The following RAVER2 variants were observed in gnomAD, a reference collection of about 807,000 sequenced individuals.
RAVER2 encodes the protein ribonucleoprotein, PTB binding 2, also known as ribonucleoprotein PTB-binding 2.
Under a neutral mutation model 78.1 loss-of-function variants are expected in RAVER2, and 46 were observed. The observed-to-expected ratio is 0.59, with a 90% CI of 0.46 to 0.75. The LOEUF (loss-of-function observed/expected upper bound fraction) is 0.75, where lower values mean the gene tolerates loss of function less well. Among genes scored for constraint, RAVER2 ranks in the 30% least tolerant of loss-of-function variants. RAVER2 has a pLI of 0.00. For synonymous variants in RAVER2, 311 were observed against 313.3 expected (o/e 0.99, Z 0.08); for missense variants, 793 against 837.5 (o/e 0.95, Z 0.66).
chr1:64,784,610 T>C (rs1652729328), intron 4 of RAVER2, among the ~76,000 whole-genome samples: 1 of 152,204 alleles, frequency 6.6e-6, no homozygotes, highest in Non-Finnish European at 1.5e-5. Flanking sequence ...TACTAAATTA[T>C]GTTTCCAAGG....
intron 11 of RAVER2, among the ~76,000 whole-genome samples, chr1:64,819,791 T>G (rs1385340648): frequency 6.6e-6 from 1 of 152,176 alleles, no homozygotes; most frequent in Non-Finnish European, 1.5e-5. Flanking sequence ...ATCTTGGTAC[T>G]ATTAACGTTT....
chr1:64,773,795 C>T (rs1396323175), intron 2 of RAVER2, among the ~76,000 whole-genome samples: 1 of 152,190 alleles, frequency 6.6e-6, no homozygotes, highest in African/African-American at 2.4e-5. Context: ...ACACTCCCAC[C>T]AACAGTGTAA....
At chr1:64,785,978 CT>C (rs1652769929) in intron 4 of RAVER2, among the ~76,000 whole-genome samples, 2 of 152,108 alleles carry the variant, frequency 1.3e-5, no homozygotes, top group Admixed American at 6.5e-5. Context: ...GTGGTAAAAA[CT>C]TTTGAGAACT....
At chr1:64,772,934 A>C (rs1652359469) in intron 2 of RAVER2, among the ~76,000 whole-genome samples, 1 of 152,204 alleles carries the variant, frequency 6.6e-6, no homozygotes, top group Non-Finnish European at 1.5e-5. Context: ...CATTTAAGGC[A>C]GTAAACAGGC....
chr1:64,788,653 G>A (rs12063385), intron 4 of RAVER2, among the ~76,000 whole-genome samples: 3,437 of 151,394 alleles, frequency 0.023, 120 homozygotes, highest in African/African-American at 0.077. Context: ...TTAGCCAGGC[G>A]TTGTGGCGGG....
intron 1 of RAVER2, among the ~76,000 whole-genome samples, chr1:64,754,583 C>T (rs537042122): frequency 6.6e-6 from 1 of 152,184 alleles, no homozygotes; most frequent in Non-Finnish European, 1.5e-5. Flanking sequence ...ATTATTCAAT[C>T]AGTCAACTGT....
intron 11 of RAVER2, among the ~76,000 whole-genome samples, chr1:64,826,607 G>A (rs754161174): frequency 6.6e-6 from 1 of 152,170 alleles, no homozygotes; most frequent in Non-Finnish European, 1.5e-5. Context: ...GGACCTTTTA[G>A]GCCCTTGTAA....
intron 1 of RAVER2, 70 bp from the exon 2 acceptor site, chr1:64,768,586 G>A (rs1652235207): frequency 2.2e-6 from 2 of 930,204 alleles, no homozygotes; most frequent in Non-Finnish European, 3.5e-6. Flanking sequence ...GTGGTGGTAG[G>A]CTAATAGAGC....
At chr1:64,759,062 T>TA (rs1428934750) in intron 1 of RAVER2, among the ~76,000 whole-genome samples, 2 of 151,820 alleles carry the variant, frequency 1.3e-5, no homozygotes, top group African/African-American at 4.8e-5. Flanking sequence ...AGGAGAACCT[T>TA]TTATAGTTAG....
rs1651492495 is a variant in RAVER2 at position 64,745,283 on chromosome 1, G to T, written c.111G>T (p.Ala37=). 1 of 1,438,874 alleles carries T rather than the reference G, an allele frequency of 6.9e-7. No individual in the cohort carries two copies. The highest frequency in any genetic ancestry group is 3.2e-5 in the East Asian group (1 of 31,524). The allele number at this position is 1,438,874 out of a possible 1,614,324, so 89.1% of individuals were successfully genotyped here. ...GCGGGCAGGGCCCCTCAGCCGAAGC[G>T]CACGAGGGCGCCCCGGACCCGATGC... The change falls in exon 1 of 12, where the codon GCG becomes GCT. Residue 37 remains alanine (A), a synonymous_variant. Coordinates refer to ENST00000294428, the Ensembl canonical transcript of RAVER2. This position sits in a 1 kb window ranked among gnomAD's most constrained non-coding sequence, Gnocchi z 4.3.
chr1:64,812,641 AC>A, intron 9 of RAVER2, 96 bp from the exon 10 acceptor site: 7 of 697,210 alleles, frequency 1.0e-5, no homozygotes, highest in Non-Finnish European at 1.2e-5. Context: ...TTTCATAAGT[AC>A]ACTAGATGTA....
chr1:64,787,574 G>A (rs74080712), intron 4 of RAVER2, among the ~76,000 whole-genome samples: 3,453 of 152,302 alleles, frequency 0.023, 122 homozygotes, highest in African/African-American at 0.077. Context: ...CAGAGTGGGT[G>A]TGGGAGGACC....
intron 1 of RAVER2, among the ~76,000 whole-genome samples, chr1:64,746,778 G>A (rs949945833): frequency 6.6e-6 from 1 of 152,140 alleles, no homozygotes; most frequent in African/African-American, 2.4e-5. Context: ...CACCTGCAAT[G>A]GACTGATTTC....
At chr1:64,786,048 A>G (rs974714057) in intron 4 of RAVER2, among the ~76,000 whole-genome samples, 2 of 152,236 alleles carry the variant, frequency 1.3e-5, no homozygotes, top group African/African-American at 4.8e-5. Flanking sequence ...ATGAATCTAA[A>G]AATCTAGGCT....
exon 12 of RAVER2, chr1:64,833,124 A>G (rs1212772372): frequency 2.7e-5 from 5 of 182,450 alleles, no homozygotes; most frequent in Non-Finnish European, 5.8e-5. Context: ...AAGGACCGTA[A>G]CCCACCCCTT....
chr1:64,814,080 T>C (rs1332513346), intron 10 of RAVER2, among the ~76,000 whole-genome samples: 1 of 151,630 alleles, frequency 6.6e-6, no homozygotes, highest in Non-Finnish European at 1.5e-5. Flanking sequence ...TGTGCCACCA[T>C]GCCCAGCTAA....
intron 11 of RAVER2, 37 bp from the exon 12 acceptor site, chr1:64,830,802 A>C: frequency 6.5e-7 from 1 of 1,533,206 alleles, no homozygotes; most frequent in South Asian, 1.2e-5. Context: ...AGCCAACTTT[A>C]GATTTTAAAA....
chr1:64,812,495 T>TG (rs1653642053), intron 9 of RAVER2, among the ~76,000 whole-genome samples: 1 of 152,044 alleles, frequency 6.6e-6, no homozygotes, highest in African/African-American at 2.4e-5. Context: ...CTGGTTCAAA[T>TG]GAGAAGGTTG....
intron 9 of RAVER2, among the ~76,000 whole-genome samples, chr1:64,808,322 AT>A (rs1455337491): frequency 6.6e-6 from 1 of 152,216 alleles, no homozygotes; most frequent in East Asian, 1.9e-4. Context: ...AGGAAAAAAA[AT>A]CTATGTAGTT....
Sources: gnomAD v4.1 joint callset for allele counts (sites outside exome capture counted in the v4.1 genomes callset) on GRCh38, gnomAD v4.1.1 for gene constraint, Gnocchi (gnomAD v3.1) non-coding constraint, MANE v1.5 for transcripts, NCBI Gene and HGNC (gene_info 2026-07-23, HGNC 2026-07-21) for gene names.